Variants in TTLL11 observed in about 807,000 individuals in gnomAD.
TTLL11 encodes the protein tubulin polyglutamylase TTLL11.
TTLL11 carries 42 observed loss-of-function variants against 51.7 expected under a neutral mutation model. The observed-to-expected ratio is 0.81, with a 90% CI of 0.64 to 1.05. The LOEUF (loss-of-function observed/expected upper bound fraction) is 1.05. TTLL11 is among the 50% of genes least tolerant of loss of function. The pLI is 0.00. For synonymous variants in TTLL11, 381 were observed against 383.5 expected, an observed-to-expected ratio of 0.99 and a Z score of 0.08; for missense variants, 799 against 940.4, an observed-to-expected ratio of 0.85 and a Z score of 1.97.
intron 6 of TTLL11, among the ~76,000 whole-genome samples, chr9:121,908,841 A>T (rs565565897): frequency 6.6e-6 from 1 of 152,272 alleles, no homozygotes; most frequent in South Asian, 2.1e-4. Context: ...TTCTAAGGTA[A>T]TTAGGGCCTA....
intron 3 of TTLL11, among the ~76,000 whole-genome samples, chr9:121,996,314 C>T (rs925489735): frequency 2.6e-5 from 4 of 152,164 alleles, no homozygotes; most frequent in Non-Finnish European, 5.9e-5. Flanking sequence ...CATCTATGGT[C>T]CCTTGGGAAG....
chr9:121,961,143 A>G (rs1296497789), intron 6 of TTLL11, among the ~76,000 whole-genome samples: 1 of 152,198 alleles, frequency 6.6e-6, no homozygotes, highest in African/African-American at 2.4e-5. Flanking sequence ...TCATTAGAAG[A>G]AAATCAAGTC....
In TTLL11 at chr9:121,965,889, G is replaced by A. The variant is rs533974474; in HGVS notation, c.1481+8120C>T. ...GCTACATTCCTTGGTTGTACGACAA[G>A]GCCCAGCCACAAAACAGAGTCCACT... On this transcript the variant is annotated intron_variant, in intron 6 of 8. Coordinates refer to ENST00000321582, the MANE Select transcript of TTLL11 (RefSeq NM_001139442.2). Among the ~76,000 whole-genome samples, 10 of 152,274 alleles carry A rather than the reference G, an allele frequency of 6.6e-5. No homozygotes were observed. The South Asian group carries it at 2.1e-3, about 32-fold the overall frequency.
intron 3 of TTLL11, among the ~76,000 whole-genome samples, chr9:122,015,487 T>C (rs1843934305): frequency 1.3e-5 from 2 of 152,160 alleles, no homozygotes; most frequent in South Asian, 4.1e-4. Context: ...TTTACTCCTT[T>C]ACTAGTTATG....
At chr9:121,899,378 C>CATATATATATATATATAT (rs747040027) in intron 6 of TTLL11, among the ~76,000 whole-genome samples, 134 of 130,358 alleles carry the variant, frequency 1.0e-3, no homozygotes, top group Middle Eastern at 4.2e-3. Flanking sequence ...TATATATATA[C>CATATATATATATATATAT]ATATATATAT....
At chr9:121,958,892 A>G (rs566386100) in intron 6 of TTLL11, among the ~76,000 whole-genome samples, 1 of 152,212 alleles carries the variant, frequency 6.6e-6, no homozygotes, top group South Asian at 2.1e-4. Context: ...AAGCCTGGAG[A>G]AGCAGGTGCT....
chr9:121,874,474 G>A (rs1838489484), intron 6 of TTLL11, among the ~76,000 whole-genome samples: 1 of 152,148 alleles, frequency 6.6e-6, no homozygotes, highest in Admixed American at 6.5e-5. Flanking sequence ...AATTCTACAA[G>A]TCTGAGAGCA....
chr9:121,875,752 G>A (rs190812579), intron 6 of TTLL11, among the ~76,000 whole-genome samples: 110 of 152,306 alleles, frequency 7.2e-4, no homozygotes, highest in Non-Finnish European at 1.4e-3. Flanking sequence ...TGAAATAAAA[G>A]TGACTGGTAA....
rs146975074 is a variant in TTLL11 at position 121,840,030 on chromosome 9, G to A, written c.1841-17151C>T. Among the ~76,000 whole-genome samples, 847 of 152,328 alleles carry A rather than the reference G, an allele frequency of 5.6e-3. 6 individuals are homozygous for A. Among genetic ancestry groups the A allele is most frequent in the African/African-American group, 0.019 (792 of 41,556 alleles). On this transcript the variant is annotated intron_variant, in intron 8 of 8. Coordinates refer to ENST00000321582, the MANE Select transcript of TTLL11 (RefSeq NM_001139442.2). ...AGAAGAGAAATGCTCTTTTATGCGG[G>A]AGTTTATTTTTGTCACTTTGTCAGA...
At chr9:121,965,684 C>T (rs1047306503) in intron 6 of TTLL11, among the ~76,000 whole-genome samples, 1 of 152,178 alleles carries the variant, frequency 6.6e-6, no homozygotes, top group African/African-American at 2.4e-5. Context: ...AATCTATTCT[C>T]CAGTCAGAAA....
At chr9:122,086,530 T>A (rs1846131647) in intron 1 of TTLL11, among the ~76,000 whole-genome samples, 1 of 152,206 alleles carries the variant, frequency 6.6e-6, no homozygotes, top group Non-Finnish European at 1.5e-5. Flanking sequence ...TTTTATACTC[T>A]ACCTTCTTCC....
intron 4 of TTLL11, among the ~76,000 whole-genome samples, chr9:121,978,018 C>G (rs1262524853): frequency 2.0e-5 from 3 of 152,118 alleles, no homozygotes; most frequent in African/African-American, 7.2e-5. Context: ...AAGAACTATT[C>G]TAGCTGCTGG....
intron 7 of TTLL11, among the ~76,000 whole-genome samples, chr9:121,868,590 T>A (rs1458393180): frequency 6.6e-6 from 1 of 152,102 alleles, no homozygotes; most frequent in Non-Finnish European, 1.5e-5. Flanking sequence ...AACCCTGAAG[T>A]GGAAGTATGC....
chr9:122,031,647 T>A (rs1844549049), intron 3 of TTLL11, 76 bp downstream of exon 3: 2 of 1,544,998 alleles, frequency 1.3e-6, no homozygotes, highest in Non-Finnish European at 1.8e-6. Flanking sequence ...CTGTCCCAGC[T>A]CCCAGCACAC....
At chr9:121,951,994 G>A (rs1039825347) in intron 6 of TTLL11, among the ~76,000 whole-genome samples, 13 of 152,284 alleles carry the variant, frequency 8.5e-5, no homozygotes, top group Admixed American at 3.9e-4. Context: ...CACTCTTGTC[G>A]CCATCTTGGT....
chr9:121,880,794 ATTAG>A (rs1358466665), intron 6 of TTLL11, among the ~76,000 whole-genome samples: 3 of 152,216 alleles, frequency 2.0e-5, no homozygotes, highest in Non-Finnish European at 2.9e-5. Flanking sequence ...CAACAATCCA[ATTAG>A]TTAGTCACAG....
chr9:121,834,990 G>A (rs1009558091), intron 8 of TTLL11, among the ~76,000 whole-genome samples: 1 of 152,100 alleles, frequency 6.6e-6, no homozygotes, highest in Non-Finnish European at 1.5e-5. Context: ...TGAGTTTCAT[G>A]AGGCCAGGAA....
At chr9:122,038,891 TAAAGAA>T (rs1488992021) in intron 2 of TTLL11, among the ~76,000 whole-genome samples, 2 of 152,180 alleles carry the variant, frequency 1.3e-5, no homozygotes, top group African/African-American at 4.8e-5. Flanking sequence ...ATATAATACT[TAAAGAA>T]AAGGGAAGCT....
rs1457827796 is a variant in TTLL11, at chr9:121,995,567, T to C, written c.694-5797A>G. 6.6e-6 allele frequency among the ~76,000 whole-genome samples: 1 copy of C among 152,080 alleles called. No individual in the cohort carries two copies. Among genetic ancestry groups the C allele is most frequent in the Non-Finnish European group, 1.5e-5 (1 of 68,002 alleles). On this transcript the variant is annotated intron_variant, in intron 3 of 8. Transcript: ENST00000321582. The surrounding 1 kb of genome is among the most constrained non-coding windows in gnomAD (Gnocchi z 4.4). ...TCAGCAATTTTGGGAGGGGTGATGT[T>C]ACCATTAACAGATTTAGGGACTACA...
Sources: allele counts gnomAD v4.1 joint callset (sites outside exome capture counted in the v4.1 genomes callset), GRCh38; gene constraint gnomAD v4.1.1; non-coding constraint Gnocchi (gnomAD v3.1); transcripts MANE v1.5; gene names NCBI Gene and HGNC (gene_info 2026-07-23, HGNC 2026-07-21).